Variants in KANSL3 observed in about 807,000 individuals in gnomAD.
The protein encoded by KANSL3 is KAT8 regulatory NSL complex subunit 3.
In KANSL3, 16 loss-of-function variants were observed where a neutral mutation model predicts 89.2. That is an observed-to-expected ratio of 0.18 (90% CI 0.12 to 0.27). The LOEUF (loss-of-function observed/expected upper bound fraction) is 0.27. KANSL3 is among the 10% of genes least tolerant of loss of function. The pLI, the probability that KANSL3 is intolerant of heterozygous loss-of-function variation, is 1.00. For synonymous variants in KANSL3, 385 were observed against 419.7 expected (o/e 0.92, Z 1.01); for missense variants, 879 against 1,110.6 (o/e 0.79, Z 2.96).
chr2:96,597,843 C>T (rs2066686530), intron 20 of KANSL3, among the ~76,000 whole-genome samples: 1 of 152,138 alleles, frequency 6.6e-6, no homozygotes. Context: ...CCTCGTGATC[C>T]ACCCGCCTAG....
At chr2:96,611,214 G>A in intron 9 of KANSL3, 76 bp from the exon 10 acceptor site, 2 of 1,213,390 alleles carry the variant, frequency 1.6e-6, no homozygotes, top group African/African-American at 1.5e-5. Flanking sequence ...TCCAGGAGTG[G>A]TCCAGACCCA....
chr2:96,598,393 G>A (rs1440805788), intron 20 of KANSL3, among the ~76,000 whole-genome samples: 2 of 152,184 alleles, frequency 1.3e-5, no homozygotes, highest in Non-Finnish European at 1.5e-5. Flanking sequence ...GATTAATATA[G>A]ACGCCAAAAT....
At chr2:96,610,297 T>C (rs1412985431) in intron 11 of KANSL3, 1 of 153,668 alleles carries the variant, frequency 6.5e-6, no homozygotes, top group African/African-American at 2.4e-5. Flanking sequence ...AAAAAGGTTT[T>C]TTTAATGCTG....
intron 19 of KANSL3, 148 bp downstream of exon 19, chr2:96,601,968 G>A: frequency 8.6e-7 from 1 of 1,166,202 alleles, no homozygotes; most frequent in Non-Finnish European, 1.2e-6. Flanking sequence ...CCTCTCTGGG[G>A]GATGGGTCCA....
At chr2:96,631,737 C>A (rs2073422040) in intron 2 of KANSL3, among the ~76,000 whole-genome samples, 1 of 151,866 alleles carries the variant, frequency 6.6e-6, no homozygotes, top group South Asian at 2.1e-4. Context: ...AAATGATAAA[C>A]ATCTATTTTT....
At chr2:96,609,701 A>C in intron 11 of KANSL3, 139 bp from the exon 12 acceptor site, 1 of 733,810 alleles carries the variant, frequency 1.4e-6, no homozygotes, top group Non-Finnish European at 2.4e-6. Context: ...CAGGTAATGC[A>C]ACCTCTCCGA....
chr2:96,584,136 T>G, the KANSL3 span, among the ~76,000 whole-genome samples: 1 of 152,212 alleles, frequency 6.6e-6, no homozygotes, highest in Non-Finnish European at 1.5e-5. Flanking sequence ...AAACATTTTA[T>G]CTGAGTCTGT....
In KANSL3 at chr2:96,637,183, C is replaced by A. The variant is rs1169404120; in HGVS notation, c.-48G>T. ...AGAGCATGGGTATCTGCATGCTAGT[C>A]ACCTGCAGTGAAAAGTTTCAGTTTA... is the stretch of plus-strand genomic sequence containing the variant. On this transcript the variant is annotated splice_region_variant and 5_prime_UTR_variant, in exon 2 of 21. Coordinates refer to ENST00000431828, the MANE Select transcript of KANSL3 (RefSeq NM_001115016.3). 1.6e-6 allele frequency: 2 copies of A among 1,246,494 alleles called. No homozygotes were observed. The highest frequency in any genetic ancestry group is 2.7e-5 in the South Asian group (2 of 74,572). The allele number at this position is 1,246,494 out of a possible 1,614,324, so 77.2% of individuals were successfully genotyped here.
chr2:96,619,310 G>C (rs746486050), intron 5 of KANSL3, 49 bp downstream of exon 5: 7 of 1,533,564 alleles, frequency 4.6e-6, no homozygotes, highest in Non-Finnish European at 6.2e-6. Flanking sequence ...GAACCCACAG[G>C]GGAGGATGGC....
rs192258068 is a variant in KANSL3, at chr2:96,604,784, T to C, written c.2013A>G (p.Thr671=). The C allele has an allele frequency of 1.5e-3, 2,366 of 1,593,774 alleles. 5 individuals are homozygous for C. Among genetic ancestry groups the C allele is most frequent in the Admixed American group, 2.8e-3 (161 of 57,132 alleles). ...ATGGTCCAATAAACACTCACTTGGC[T>C]GTGGTGAGAAGTCCTGTGAGCTCCT... The part of the protein sequence containing the change: ...GAKELTGLLT[T]AKSSSSEGGV... Residue 671 remains threonine, a synonymous_variant, in exon 16 of 21, where the codon ACA becomes ACG. Transcript: ENST00000431828.
chr2:96,617,884 G>A (rs1042300720), intron 5 of KANSL3, among the ~76,000 whole-genome samples: 13 of 151,772 alleles, frequency 8.6e-5, no homozygotes, highest in Non-Finnish European at 1.6e-4. Flanking sequence ...TACTCAGGAG[G>A]CTGAGGCAGA....
chr2:96,620,901 C>T (rs2071144642), intron 3 of KANSL3, among the ~76,000 whole-genome samples: 1 of 152,008 alleles, frequency 6.6e-6, no homozygotes, highest in Non-Finnish European at 1.5e-5. Flanking sequence ...ACTCGGGAGC[C>T]TGAGGTGGGA....
chr2:96,602,983 C>G (rs766733827), intron 17 of KANSL3, 121 bp from the exon 18 acceptor site: 85 of 821,256 alleles, frequency 1.0e-4, no homozygotes, highest in Non-Finnish European at 1.6e-4. Flanking sequence ...CTTGGACACC[C>G]GTCCTCAGAG....
intron 14 of KANSL3, among the ~76,000 whole-genome samples, chr2:96,607,300 C>T (rs1437774358): frequency 1.3e-5 from 2 of 152,158 alleles, no homozygotes; most frequent in African/African-American, 4.8e-5. Context: ...GCATGGCACA[C>T]AGCAAGGACT....
chr2:96,601,452 A>C (rs1242199529), intron 20 of KANSL3, 191 bp downstream of exon 20: 1 of 1,369,756 alleles, frequency 7.3e-7, no homozygotes, highest in East Asian at 2.8e-5. Flanking sequence ...GGAGGGATGT[A>C]GAAGAGGAAG....
chr2:96,602,386 A>T (rs1452499138), intron 18 of KANSL3, 48 bp from the exon 19 acceptor site: 1 of 1,433,954 alleles, frequency 7.0e-7, no homozygotes, highest in Non-Finnish European at 9.6e-7. Context: ...GCCCAACAGC[A>T]ACATTCGAGC....
intron 4 of KANSL3, 38 bp from the exon 5 acceptor site, chr2:96,619,582 T>G (rs1216799033): frequency 1.9e-6 from 3 of 1,610,316 alleles, no homozygotes; most frequent in Non-Finnish European, 2.5e-6. Flanking sequence ...ACATGAGGAC[T>G]ACCTGGTTAA....
intron 2 of KANSL3, among the ~76,000 whole-genome samples, chr2:96,634,912 T>C (rs1008437761): frequency 6.6e-6 from 1 of 152,238 alleles, no homozygotes; most frequent in Non-Finnish European, 1.5e-5. Flanking sequence ...GCCAGAAATC[T>C]GTCATCCTAA....
At position 96,611,900 on chromosome 2, in the gene KANSL3, C is replaced by CAT. The variant is rs1187630286; in HGVS notation, c.1086+380_1086+381dup. ...TTTTTTTTTTCCACAGATATATACC[C>CAT]ATATGTGTGTGTGTGTGTGTGTGTG... On this transcript the variant is annotated intron_variant, in intron 9 of 20. Transcript: ENST00000431828. Among the ~76,000 whole-genome samples the CAT allele has an allele frequency of 1.3e-3, 106 of 79,496 alleles. 1 individual carries two copies. Among genetic ancestry groups the CAT allele is most frequent in the South Asian group, 2.7e-3 (9 of 3,276 alleles). The allele number at this position is 79,496 out of a possible 152,430, so 52.2% of individuals were successfully genotyped here. A position where few individuals can be genotyped will look rare whatever the true frequency, so the allele number is the denominator to read the frequency against.
Sources: gnomAD v4.1 joint callset for allele counts (sites outside exome capture counted in the v4.1 genomes callset) on GRCh38, gnomAD v4.1.1 for gene constraint, MANE v1.5 for transcripts, NCBI Gene and HGNC (gene_info 2026-07-23, HGNC 2026-07-21) for gene names.